RSPO2: variants seen among roughly 807,000 people sequenced by gnomAD.
RSPO2 encodes R-spondin-2.
Under a neutral mutation model 30.9 loss-of-function variants are expected in RSPO2, and 14 were observed. The ratio of observed to expected loss-of-function variants is 0.45; its 90% CI spans 0.30 to 0.71. The LOEUF is 0.71. Ranked by LOEUF, RSPO2 falls within the 30% of genes least tolerant of loss-of-function variation. The pLI, the probability that RSPO2 is intolerant of heterozygous loss-of-function variation, is 0.08. For synonymous variants in RSPO2, 107 were observed against 96.4 expected, an observed-to-expected ratio of 1.11 and a Z score of -0.64; for missense variants, 264 against 301.9, an observed-to-expected ratio of 0.87 and a Z score of 0.93.
intron 2 of RSPO2, among the ~76,000 whole-genome samples, chr8:108,049,167 C>T (rs540941820): frequency 1.5e-4 from 23 of 151,910 alleles, no homozygotes; most frequent in African/African-American, 5.6e-4. Flanking sequence ...TTGATGGGTG[C>T]AGCAAACCAA....
In RSPO2 at chr8:107,928,548, C is replaced by G. The variant is rs536897148; in HGVS notation, c.617-27358G>C. On this transcript the variant is annotated intron_variant, in intron 5 of 5. Coordinates refer to ENST00000276659, the MANE Select transcript of RSPO2 (RefSeq NM_178565.5). ...TAACAGAACTAGGAGAAATGCCATTCCAAATTTTGATGTATGGAATGTTTA... is the reference window on the plus strand; with the variant it reads ...TAACAGAACTAGGAGAAATGCCATTGCAAATTTTGATGTATGGAATGTTTA... Among the ~76,000 whole-genome samples the G allele has an allele frequency of 2.6e-5, 4 of 152,270 alleles. 1 individual carries two copies. The highest frequency in any genetic ancestry group is 5.9e-5 in the Non-Finnish European group (4 of 68,022).
chr8:108,005,143 T>C (rs1410929157), intron 2 of RSPO2, among the ~76,000 whole-genome samples: 1 of 152,162 alleles, frequency 6.6e-6, no homozygotes, highest in Non-Finnish European at 1.5e-5. Flanking sequence ...ACTGGTCATA[T>C]ATTTGGGGGA....
chr8:108,007,837 G>A (rs71524731), intron 2 of RSPO2, among the ~76,000 whole-genome samples: 1 of 152,092 alleles, frequency 6.6e-6, no homozygotes, highest in African/African-American at 2.4e-5. Flanking sequence ...CTACTCCAGA[G>A]GCTGAGGCAG....
intron 3 of RSPO2, among the ~76,000 whole-genome samples, chr8:107,982,316 T>C (rs1267476109): frequency 6.6e-6 from 1 of 152,230 alleles, no homozygotes; most frequent in African/African-American, 2.4e-5. Flanking sequence ...TCAGCATATT[T>C]CTGATACCTT....
chr8:108,024,588 G>A (rs1010321001), intron 2 of RSPO2, among the ~76,000 whole-genome samples: 12 of 152,202 alleles, frequency 7.9e-5, no homozygotes, highest in Non-Finnish European at 5.9e-5. Flanking sequence ...TACCTACAGT[G>A]GACAGGTGGA....
intron 2 of RSPO2, among the ~76,000 whole-genome samples, chr8:108,027,216 C>G (rs1225189333): frequency 6.6e-6 from 1 of 152,184 alleles, no homozygotes; most frequent in Admixed American, 6.5e-5. Flanking sequence ...CAAACATGCT[C>G]AAACATGTCA....
chr8:107,913,427 C>T (rs1170881828), intron 5 of RSPO2, among the ~76,000 whole-genome samples: 1 of 152,106 alleles, frequency 6.6e-6, no homozygotes, highest in African/African-American at 2.4e-5. Flanking sequence ...TTTTGTTATT[C>T]CTACAGGACA....
intron 2 of RSPO2, among the ~76,000 whole-genome samples, chr8:108,010,724 T>A (rs1430138706): frequency 6.6e-6 from 1 of 152,062 alleles, no homozygotes; most frequent in Non-Finnish European, 1.5e-5. Context: ...CAGGATGATA[T>A]GAGGTCTCCA....
chr8:108,030,969 C>T (rs1159399009), intron 2 of RSPO2, among the ~76,000 whole-genome samples: 3 of 152,164 alleles, frequency 2.0e-5, no homozygotes, highest in Admixed American at 2.0e-4. Flanking sequence ...TATTTTGCCA[C>T]TGATGATTAT....
intron 5 of RSPO2, among the ~76,000 whole-genome samples, chr8:107,922,145 C>A (rs1242070900): frequency 6.6e-6 from 1 of 151,934 alleles, no homozygotes; most frequent in Non-Finnish European, 1.5e-5. Context: ...CAAATAAAAA[C>A]AGAGGAAGTC....
intron 2 of RSPO2, among the ~76,000 whole-genome samples, chr8:108,001,516 A>G (rs995292788): frequency 2.0e-5 from 3 of 152,236 alleles, no homozygotes; most frequent in African/African-American, 7.2e-5. Flanking sequence ...ATTAAGGATC[A>G]CAACACATGC....
intron 2 of RSPO2, among the ~76,000 whole-genome samples, chr8:107,996,511 C>T (rs1325438137): frequency 6.6e-6 from 1 of 152,106 alleles, no homozygotes; most frequent in African/African-American, 2.4e-5. Flanking sequence ...ATATCCAACC[C>T]AAATCTAGCT....
chr8:107,983,499 T>C (rs1814520703), intron 3 of RSPO2: 3 of 1,596,582 alleles, frequency 1.9e-6, no homozygotes, highest in Non-Finnish European at 2.6e-6. Context: ...AATGTCTGCC[T>C]GAGATTCAGG....
intron 5 of RSPO2, among the ~76,000 whole-genome samples, chr8:107,912,251 A>G (rs1811848256): frequency 1.3e-5 from 2 of 152,226 alleles, no homozygotes; most frequent in African/African-American, 2.4e-5. Flanking sequence ...CTAGCCATGC[A>G]CCAACTCCTG....
chr8:108,011,438 C>T (rs1430413642), intron 2 of RSPO2, among the ~76,000 whole-genome samples: 2 of 152,168 alleles, frequency 1.3e-5, no homozygotes, highest in Non-Finnish European at 2.9e-5. Context: ...TTTGGCACTT[C>T]ATAAACGTCT....
In RSPO2 at chr8:108,022,605, T is replaced by C. The variant is rs1811089884; in HGVS notation, c.95-33361A>G. On this transcript the variant is annotated intron_variant, in intron 2 of 5. Transcript: ENST00000276659. ...TTTACATATCAAAACATGTTGAACATCTTAAATACAAACAATAAGTTTAAA... is the reference window on the plus strand; with the variant it reads ...TTTACATATCAAAACATGTTGAACACCTTAAATACAAACAATAAGTTTAAA... Among the ~76,000 whole-genome samples the C allele has an allele frequency of 2.0e-5, 3 of 152,104 alleles. No homozygotes were observed. In the South Asian group the frequency reaches 6.2e-4, roughly 32 times the overall value.
intron 2 of RSPO2, among the ~76,000 whole-genome samples, chr8:108,012,516 A>G (rs1810744599): frequency 6.6e-6 from 1 of 152,272 alleles, no homozygotes; most frequent in South Asian, 2.1e-4. Context: ...GTTTTCCTAC[A>G]TATAGATGAA....
At chr8:107,981,416 T>C (rs2514845) in intron 3 of RSPO2, among the ~76,000 whole-genome samples, 3 of 151,738 alleles carry the variant, frequency 2.0e-5, no homozygotes, top group Non-Finnish European at 4.4e-5. Flanking sequence ...AGCTACTTGG[T>C]GCACTGAGGC....
At chr8:108,056,815 G>A (rs1462007314) in intron 2 of RSPO2, among the ~76,000 whole-genome samples, 1 of 151,212 alleles carries the variant, frequency 6.6e-6, no homozygotes, top group Non-Finnish European at 1.5e-5. Context: ...TAGCACTTTG[G>A]GAGGCCAAGG....
Sources: allele counts gnomAD v4.1 joint callset (sites outside exome capture counted in the v4.1 genomes callset), GRCh38; gene constraint gnomAD v4.1.1; transcripts MANE v1.5; gene names NCBI Gene and HGNC (gene_info 2026-07-23, HGNC 2026-07-21).